Variants in RPH3A observed in about 807,000 individuals in gnomAD.
The protein encoded by RPH3A is rabphilin 3A.
A neutral mutation model predicts 102.2 loss-of-function variants in RPH3A; 48 were observed. The ratio of observed to expected loss-of-function variants is 0.47; its 90% confidence interval spans 0.37 to 0.60. RPH3A has a LOEUF of 0.60. RPH3A is among the 20% of genes least tolerant of loss of function. The pLI is 0.00. For synonymous variants in RPH3A, 310 were observed against 324.3 expected (o/e 0.96, Z 0.47); for missense variants, 781 against 910.1 (o/e 0.86, Z 1.83).
intron 3 of RPH3A, chr12:112,831,949 C>A: frequency 3.7e-6 from 1 of 268,584 alleles, no homozygotes. Context: ...CTTCCTGAAA[C>A]AGTGGATTCA....
intron 19 of RPH3A, 86 bp downstream of exon 19, chr12:112,891,089 C>T (rs759435384): frequency 6.1e-6 from 9 of 1,482,292 alleles, no homozygotes; most frequent in Non-Finnish European, 8.3e-6. Context: ...TCACCAAGAT[C>T]GTTGTACACT....
chr12:112,600,299 T>G (rs1415823559), intron 1 of RPH3A, among the ~76,000 whole-genome samples: 1 of 152,204 alleles, frequency 6.6e-6, no homozygotes, highest in Non-Finnish European at 1.5e-5. Flanking sequence ...GAATAATTAA[T>G]GCCAGCTCTG....
At chr12:112,886,223 C>G (rs901958659) in intron 16 of RPH3A, among the ~76,000 whole-genome samples, 5 of 152,228 alleles carry the variant, frequency 3.3e-5, no homozygotes, top group Admixed American at 3.3e-4. Flanking sequence ...GCCCTTTCCT[C>G]TCTTAGTGTT....
chr12:112,881,123 G>T (rs560385905), intron 14 of RPH3A, among the ~76,000 whole-genome samples: 3 of 152,274 alleles, frequency 2.0e-5, no homozygotes, highest in African/African-American at 7.2e-5. Context: ...GCCCAGAGGT[G>T]GGACATCTGC....
At chr12:112,738,850 C>T (rs1260425626) in intron 1 of RPH3A, among the ~76,000 whole-genome samples, 2 of 152,168 alleles carry the variant, frequency 1.3e-5, no homozygotes, top group Non-Finnish European at 2.9e-5. Context: ...CTCATCATAA[C>T]AGATCTGCAA....
intron 1 of RPH3A, among the ~76,000 whole-genome samples, chr12:112,693,332 A>G (rs2040321657): frequency 6.6e-6 from 1 of 152,204 alleles, no homozygotes. Context: ...ACATGGGGTC[A>G]CCTTTGACTC....
At chr12:112,811,978 C>T (rs936357778) in intron 2 of RPH3A, among the ~76,000 whole-genome samples, 3 of 151,892 alleles carry the variant, frequency 2.0e-5, no homozygotes, top group Non-Finnish European at 2.9e-5. Flanking sequence ...GTTGGCCTCC[C>T]TTTCAGGCAG....
At chr12:112,716,003 T>G (rs1390259843) in intron 1 of RPH3A, among the ~76,000 whole-genome samples, 1 of 152,246 alleles carries the variant, frequency 6.6e-6, no homozygotes, top group Non-Finnish European at 1.5e-5. Flanking sequence ...TTCCTGATAT[T>G]GCCATGGCAT....
intron 1 of RPH3A, among the ~76,000 whole-genome samples, chr12:112,674,589 C>T (rs1308594610): frequency 2.0e-5 from 3 of 152,164 alleles, no homozygotes; most frequent in Non-Finnish European, 4.4e-5. Context: ...ACCCCTGACA[C>T]AGAGGAGAGA....
intron 1 of RPH3A, among the ~76,000 whole-genome samples, chr12:112,766,881 T>C (rs1445301472): frequency 6.6e-6 from 1 of 152,156 alleles, no homozygotes; most frequent in Non-Finnish European, 1.5e-5. Flanking sequence ...GAAATATGAC[T>C]GGACCCAGGT....
intron 17 of RPH3A, among the ~76,000 whole-genome samples, chr12:112,889,232 TG>T (rs2043052022): frequency 6.6e-6 from 1 of 152,250 alleles, no homozygotes; most frequent in Non-Finnish European, 1.5e-5. Flanking sequence ...GGCTTTTGCC[TG>T]GTGACAGCTG....
At chr12:112,748,371 T>C (rs1250899662) in intron 1 of RPH3A, among the ~76,000 whole-genome samples, 1 of 152,146 alleles carries the variant, frequency 6.6e-6, no homozygotes, top group Non-Finnish European at 1.5e-5. Flanking sequence ...CCTTACTCTC[T>C]TGCCCAGGTG....
chr12:112,795,070 A>G (rs190211010), intron 2 of RPH3A, among the ~76,000 whole-genome samples: 129 of 152,324 alleles, frequency 8.5e-4, no homozygotes, highest in African/African-American at 3.1e-3. Context: ...CTCCGTACAC[A>G]GACTGGCTGC....
At chr12:112,758,927 C>A (rs116282816) in intron 1 of RPH3A, among the ~76,000 whole-genome samples, 1 of 152,116 alleles carries the variant, frequency 6.6e-6, no homozygotes, top group Non-Finnish European at 1.5e-5. Flanking sequence ...AGAAATATGG[C>A]GCTTCCTGGT....
In RPH3A at chr12:112,845,005, T is replaced by C. The variant is rs75792771; in HGVS notation, c.84-2691T>C. Among the ~76,000 whole-genome samples, 289 of 152,348 alleles carry C rather than the reference T, an allele frequency of 1.9e-3. 8 individuals carry two copies. In the East Asian group the frequency reaches 0.039, roughly 21 times the overall value. ...ACGTGGGCCTCTCCATGGGGCTGTT[T>C]GAGTGTCCTCACAACATGGCGGCTG... On this transcript the variant is annotated intron_variant, in intron 4 of 21. Coordinates refer to ENST00000389385, the MANE Select transcript of RPH3A (RefSeq NM_001143854.2).
At chr12:112,727,466 C>CAG (rs2040601103) in intron 1 of RPH3A, among the ~76,000 whole-genome samples, 1 of 84,468 alleles carries the variant, frequency 1.2e-5, no homozygotes, top group African/African-American at 5.5e-5. Context: ...CAGACACACA[C>CAG]ACACACACAC....
chr12:112,749,642 G>C (rs1055135267), intron 1 of RPH3A, among the ~76,000 whole-genome samples: 3 of 152,164 alleles, frequency 2.0e-5, no homozygotes, highest in African/African-American at 7.2e-5. Flanking sequence ...ACCATGCAAA[G>C]CTATATGGCA....
At chr12:112,873,264 T>C (rs1788425555) in intron 10 of RPH3A, among the ~76,000 whole-genome samples, 1 of 152,226 alleles carries the variant, frequency 6.6e-6, no homozygotes, top group African/African-American at 2.4e-5. Context: ...ATTGTAGTCA[T>C]CTTCACATAA....
chr12:112,847,871 A>G (rs1197267181), intron 5 of RPH3A, 29 bp downstream of exon 5: 2 of 1,609,890 alleles, frequency 1.2e-6, no homozygotes, highest in Admixed American at 1.7e-5. Flanking sequence ...CATTCACCCC[A>G]GAGCTGCTGT....
Sources: allele counts gnomAD v4.1 joint callset (sites outside exome capture counted in the v4.1 genomes callset), GRCh38; gene constraint gnomAD v4.1.1; transcripts MANE v1.5; gene names NCBI Gene and HGNC (gene_info 2026-07-23, HGNC 2026-07-21).